Variants in PIK3C2G observed in about 807,000 individuals in gnomAD.
PIK3C2G encodes the protein phosphatidylinositol-4-phosphate 3-kinase catalytic subunit type 2 gamma, also known as phosphatidylinositol 3-kinase C2 domain-containing subunit gamma.
PIK3C2G carries 168 observed loss-of-function variants against 181.1 expected under a neutral mutation model. The ratio of observed to expected loss-of-function variants is 0.93; its 90% CI spans 0.82 to 1.05. The LOEUF (loss-of-function observed/expected upper bound fraction) is 1.05, where lower values mean the gene tolerates loss of function less well. PIK3C2G is among the 50% of genes least tolerant of loss of function. PIK3C2G has a pLI of 0.00. For synonymous variants in PIK3C2G, 573 were observed against 592.2 expected, an observed-to-expected ratio of 0.97 and a Z score of 0.47; for missense variants, 1,869 against 1,732.8, an observed-to-expected ratio of 1.08 and a Z score of -1.40.
downstream of PIK3C2G, among the ~76,000 whole-genome samples, chr12:18,653,217 A>T (rs1317853818): frequency 1.3e-5 from 2 of 152,162 alleles, no homozygotes; most frequent in Non-Finnish European, 2.9e-5. Context: ...TCAGGAGTTG[A>T]TTCCCAGAGG....
intron 3 of PIK3C2G, among the ~76,000 whole-genome samples, chr12:18,288,164 A>G (rs751066916): frequency 2.6e-5 from 4 of 152,150 alleles, no homozygotes; most frequent in Non-Finnish European, 5.9e-5. Context: ...CTCCGTCTCA[A>G]AAAAAAGAGA....
In PIK3C2G at chr12:18,293,984, A is replaced by C. The variant is rs200790997; in HGVS notation, c.1003A>C (p.Ser335Arg). 2.4e-4 allele frequency: 378 copies of C among 1,589,380 alleles called. 1 individual carries two copies. The highest frequency in any genetic ancestry group is 2.9e-4 in the Non-Finnish European group (335 of 1,158,038). The change falls in exon 5 of 33, where the codon AGT (serine) becomes CGT (arginine). Residue 335 changes from serine (S) to arginine (R), a missense_variant. By Grantham distance (110) the Ser-to-Arg change is moderately radical. Transcript: ENST00000538779. The stretch of plus-strand genomic sequence containing the variant: ...GCTACTCCCCAAAGATCATATTCTA[A>C]GTGTATGTGGCTCTGAAGAATTTTT... Reference protein sequence around the residue: ...DQLLPKDHILSVCGSEEFLQN... With the variant: ...DQLLPKDHILRVCGSEEFLQN...
Position 18,282,012 on chromosome 12 carries a change from C to G in PIK3C2G, c.-70C>G. On this transcript the variant is annotated 5_prime_UTR_variant, in exon 2 of 33. Coordinates refer to ENST00000538779, the MANE Select transcript of PIK3C2G (RefSeq NM_001288772.2). ...TTTTATGCTTTTTCTAGGAAAATTT[C>G]TATCTTCTTTTGTATTATCAAGGAG... 1 of 879,570 alleles carries G rather than the reference C, an allele frequency of 1.1e-6. No individual in the cohort carries two copies. The highest frequency in any genetic ancestry group is 2.7e-5 in the East Asian group (1 of 37,042). The allele number at this position is 879,570 out of a possible 1,614,324, so 54.5% of individuals were successfully genotyped here.
intron 30 of PIK3C2G, among the ~76,000 whole-genome samples, chr12:18,600,664 C>T (rs898612880): frequency 1.1e-4 from 17 of 151,932 alleles, no homozygotes; most frequent in Non-Finnish European, 2.9e-5. Flanking sequence ...TAACAGACTA[C>T]CTGTTCAACT....
chr12:18,464,358 C>T (rs1209084508), intron 18 of PIK3C2G, among the ~76,000 whole-genome samples: 7 of 151,950 alleles, frequency 4.6e-5, no homozygotes, highest in Non-Finnish European at 1.0e-4. Flanking sequence ...TAATCACTTC[C>T]CAAAGTCCCT....
chr12:18,491,920 T>C (rs1009995402), intron 20 of PIK3C2G, among the ~76,000 whole-genome samples: 2 of 152,220 alleles, frequency 1.3e-5, no homozygotes, highest in African/African-American at 4.8e-5. Flanking sequence ...ATTTAGACTA[T>C]GTGCATAACC....
At chr12:18,445,927 T>C (rs549731199) in intron 18 of PIK3C2G, among the ~76,000 whole-genome samples, 1 of 152,284 alleles carries the variant, frequency 6.6e-6, no homozygotes, top group South Asian at 2.1e-4. Context: ...GCAATCTTTT[T>C]AACGAGGGGA....
Position 18,562,715 on chromosome 12 carries a change from A to G in PIK3C2G, c.3603A>G (p.Glu1201=), listed in dbSNP as rs1339324214. 6.3e-7 allele frequency: 1 copy of G among 1,588,500 alleles called. No homozygotes were observed. Among genetic ancestry groups the G allele is most frequent in the South Asian group, 1.1e-5 (1 of 87,730 alleles). ...TACATTTCTCTAGGAAAATAAAGGA[A>G]AGTCTGGAGTGTTTCCCTGTTAAAT... ...ATSHFTKKIK[E]SLECFPVKLN... Residue 1201 remains glutamate, a synonymous_variant, in exon 27 of 33, where the codon GAA becomes GAG. Coordinates refer to ENST00000538779, the MANE Select transcript of PIK3C2G (RefSeq NM_001288772.2).
At chr12:18,493,932 T>C (rs981870563) in intron 20 of PIK3C2G, among the ~76,000 whole-genome samples, 1 of 152,160 alleles carries the variant, frequency 6.6e-6, no homozygotes, top group Non-Finnish European at 1.5e-5. Context: ...TTTAAATCAC[T>C]AAAGGATGGA....
At chr12:18,281,960 C>T (rs923129774) in intron 1 of PIK3C2G, 44 bp from the exon 2 acceptor site, 2 of 644,118 alleles carry the variant, frequency 3.1e-6, no homozygotes, top group Non-Finnish European at 5.4e-6. Flanking sequence ...AAGCTCTTTT[C>T]TTTCAAATTC....
intron 31 of PIK3C2G, among the ~76,000 whole-genome samples, chr12:18,638,983 A>G (rs969127045): frequency 1.3e-5 from 2 of 151,466 alleles, no homozygotes; most frequent in African/African-American, 4.9e-5. Context: ...TCTACTCCCA[A>G]ATATTAATAG....
In PIK3C2G at chr12:18,483,542, T is replaced by C. The variant is rs77235106; in HGVS notation, c.2505-4907T>C. Among the ~76,000 whole-genome samples the C allele has an allele frequency of 5.5e-3, 841 of 152,178 alleles. 5 individuals carry two copies. The highest frequency in any genetic ancestry group is 0.019 in the African/African-American group (797 of 41,516). On this transcript the variant is annotated intron_variant, in intron 18 of 32. Coordinates refer to ENST00000538779, the MANE Select transcript of PIK3C2G (RefSeq NM_001288772.2). ...TTTTTATGATCCACGAAAAAAGACA[T>C]GTTAATTACTTTTATAGTTTTTTTT...
At chr12:18,488,765 G>GT in intron 19 of PIK3C2G, 136 bp downstream of exon 19, 4 of 526,832 alleles carry the variant, frequency 7.6e-6, no homozygotes, top group Non-Finnish European at 1.2e-5. Context: ...CTTTAGTCAA[G>GT]TTTTTTTCCC....
chr12:18,612,766 A>G (rs1278343285), intron 31 of PIK3C2G, among the ~76,000 whole-genome samples: 1 of 152,168 alleles, frequency 6.6e-6, no homozygotes, highest in Non-Finnish European at 1.5e-5. Flanking sequence ...TTTTACATTA[A>G]TATTAAAATG....
chr12:18,559,957 C>G (rs1302208225), intron 26 of PIK3C2G, among the ~76,000 whole-genome samples: 1 of 149,888 alleles, frequency 6.7e-6, no homozygotes, highest in African/African-American at 2.5e-5. Context: ...AATTCTCCTG[C>G]CTCAGCCTCA....
the PIK3C2G span, chr12:18,723,412 G>A: frequency 5.0e-6 from 8 of 1,612,860 alleles, no homozygotes; most frequent in South Asian, 8.8e-5. Flanking sequence ...CAGATTACTT[G>A]CTAAAAGAAT....
intron 7 of PIK3C2G, among the ~76,000 whole-genome samples, chr12:18,324,159 T>C (rs919314623): frequency 7.3e-5 from 11 of 151,712 alleles, no homozygotes; most frequent in Middle Eastern, 3.4e-3. Context: ...GGGCGGAGCC[T>C]GCAGTGAGCG....
At chr12:18,398,162 T>A (rs1207150176) in intron 15 of PIK3C2G, among the ~76,000 whole-genome samples, 1 of 152,162 alleles carries the variant, frequency 6.6e-6, no homozygotes, top group Non-Finnish European at 1.5e-5. Context: ...AGTGTGGTTG[T>A]TATCTGGTAC....
rs560894505 is a variant in PIK3C2G at position 18,497,352 on chromosome 12, T to C, written c.2887-267T>C. ...TGAGAAATCACACGTGGATAATAAA[T>C]TGAAAATTATTATCAAGGAACAACA... On this transcript the variant is annotated intron_variant, in intron 21 of 32. Transcript: ENST00000538779. Among the ~76,000 whole-genome samples, 9 of 152,292 alleles carry C rather than the reference T, an allele frequency of 5.9e-5. No homozygotes were observed. The South Asian group carries it at 1.5e-3, about 25-fold the overall frequency.
Sources: allele counts gnomAD v4.1 joint callset (sites outside exome capture counted in the v4.1 genomes callset), GRCh38; gene constraint gnomAD v4.1.1; transcripts MANE v1.5; gene names NCBI Gene and HGNC (gene_info 2026-07-23, HGNC 2026-07-21).